SNED1: variants seen among roughly 807,000 people sequenced by gnomAD.
SNED1 encodes the protein sushi, nidogen and EGF like domains 1.
Under a neutral mutation model 166.7 loss-of-function variants are expected in SNED1, and 81 were observed. The observed-to-expected ratio is 0.49, with a 90% confidence interval of 0.41 to 0.58. SNED1 has a LOEUF of 0.58. Among genes scored for constraint, SNED1 ranks in the 20% least tolerant of loss-of-function variants. The pLI is 0.00. For synonymous variants in SNED1, 762 were observed against 822.0 expected (o/e 0.93, Z 1.25); for missense variants, 1,604 against 2,000.2 (o/e 0.80, Z 3.78).
rs1444484011 is a variant in SNED1, at chr2:241,040,095, A to G, written c.1066A>G (p.Lys356Glu). Residue 356 changes from lysine to glutamate, a missense_variant, in exon 7 of 32, where the codon AAA (lysine) becomes GAA (glutamate). Around this residue, in one of 2 missense-constraint regions of SNED1, gnomAD observed 1,237 missense variants for 1,620.8 expected, o/e 0.76. Coordinates refer to ENST00000310397, the MANE Select transcript of SNED1 (RefSeq NM_001080437.3). ...CETAQSPCDT[K>E]ECQHGGQCQV... ...TCTAGCCCAATCCCCCTGTGACACCAAAGAGTGTCAACATGGTGGCCAGTG... is the reference window on the plus strand; with the variant it reads ...TCTAGCCCAATCCCCCTGTGACACCGAAGAGTGTCAACATGGTGGCCAGTG... 6.3e-7 allele frequency: 1 copy of G among 1,591,084 alleles called. No individual in the cohort carries two copies. The highest frequency in any genetic ancestry group is 1.8e-5 in the Admixed American group (1 of 56,964).
intron 26 of SNED1, chr2:241,072,081 C>T (rs1475565330): frequency 8.5e-6 from 6 of 701,754 alleles, no homozygotes; most frequent in Admixed American, 2.0e-5. Flanking sequence ...AGGGGCAGCT[C>T]GTGAGGGCCT....
At chr2:241,033,969 A>G in intron 3 of SNED1, 94 bp downstream of exon 3, 1 of 1,442,608 alleles carries the variant, frequency 6.9e-7, no homozygotes, top group Admixed American at 2.2e-5. Flanking sequence ...GGCTCACCAT[A>G]GGCAGATCCC....
At chr2:241,084,367 T>A (rs1216977403) in intron 29 of SNED1, among the ~76,000 whole-genome samples, 1 of 152,124 alleles carries the variant, frequency 6.6e-6, no homozygotes, top group Non-Finnish European at 1.5e-5. Context: ...TTGGCCAGGC[T>A]GGTCTCAAAC....
Position 241,069,959 on chromosome 2 carries a change from C to T in SNED1, c.3347C>T (p.Thr1116Ile). 1 of 1,612,980 alleles carries T rather than the reference C, an allele frequency of 6.2e-7. No individual in the cohort carries two copies. The highest frequency in any genetic ancestry group is 8.5e-7 in the Non-Finnish European group (1 of 1,179,874). The change falls in exon 24 of 32, where the codon ACT becomes ATT. Residue 1116 changes from threonine (T) to isoleucine (I), a missense_variant. Thr to Ile is a moderately conservative substitution (Grantham distance 89). Transcript: ENST00000310397. The surrounding 1 kb of genome is among the most constrained non-coding windows in gnomAD (Gnocchi z 4.9). ...GCAAACCTGACCGCCGCCCGAGTCA[C>T]TGCCACCTCTGCCCACGTGGTCTGG... ...PPANLTAARV[T>I]ATSAHVVWDA...
In SNED1 at chr2:241,068,918, C is replaced by T; in HGVS notation, c.3202C>T (p.Leu1068=). The change falls in exon 23 of 32, where the codon CTG becomes TTG. Residue 1068 remains leucine, a synonymous_variant. Transcript: ENST00000310397. The surrounding 1 kb of genome is among the most constrained non-coding windows in gnomAD (Gnocchi z 5.3). ...GTCACCTCCTGCCCACAGGGCCCTG[C>T]TGCCTGGGAAGAGGTACACCATCCA... ...SVDRFTFRAL[L]PGKRYTIQLT... 1 of 1,550,658 alleles carries T rather than the reference C, an allele frequency of 6.4e-7. No individual in the cohort carries two copies. The highest frequency in any genetic ancestry group is 1.2e-5 in the South Asian group (1 of 84,040).
intron 29 of SNED1, among the ~76,000 whole-genome samples, chr2:241,082,992 G>A (rs1054541460): frequency 1.3e-5 from 2 of 151,970 alleles, no homozygotes; most frequent in Admixed American, 1.3e-4. Flanking sequence ...TAGATACTCA[G>A]CACACATCAG....
intron 16 of SNED1, among the ~76,000 whole-genome samples, chr2:241,055,695 A>T (rs1215454844): frequency 1.3e-5 from 2 of 152,384 alleles, no homozygotes; most frequent in East Asian, 3.9e-4. Flanking sequence ...GAAGCCACAG[A>T]TGCAGAGAGT....
intron 9 of SNED1, 73 bp from the exon 10 acceptor site, chr2:241,048,589 G>A (rs1404947798): frequency 6.6e-7 from 1 of 1,513,914 alleles, no homozygotes; most frequent in African/African-American, 1.4e-5. Context: ...GCCAGGAGCA[G>A]GGCAGGGTCT....
At chr2:241,071,756 C>A in intron 25 of SNED1, 36 bp downstream of exon 25, 1 of 1,500,346 alleles carries the variant, frequency 6.7e-7, no homozygotes. Context: ...TCGCCCGAGG[C>A]GGCGCTCGGA....
chr2:241,033,670 A>T, intron 2 of SNED1, 65 bp from the exon 3 acceptor site: 1 of 1,521,300 alleles, frequency 6.6e-7, no homozygotes, highest in South Asian at 1.3e-5. Context: ...AGGATGGTGG[A>T]CAGGGCAGGG....
chr2:241,076,760 G>A (rs1361574905), intron 27 of SNED1, among the ~76,000 whole-genome samples: 18 of 151,576 alleles, frequency 1.2e-4, no homozygotes. Flanking sequence ...GTCCAGGGCC[G>A]GGCGCGGGGG....
chr2:241,069,033 G>T lies in SNED1; in HGVS notation c.3307+10G>T, dbSNP rs751578055. ...ACGCACGTGTGGACCCGTGAGTAGA[G>T]CAGCGCGGCCCCCGGCACACGAAAG... is the stretch of plus-strand genomic sequence containing the variant. On this transcript the variant is annotated intron_variant, in intron 23 of 31. Transcript: ENST00000310397. This position sits in a 1 kb window ranked among gnomAD's most constrained non-coding sequence, Gnocchi z 4.9. 1 of 1,537,456 alleles carries T rather than the reference G, an allele frequency of 6.5e-7. No homozygotes were observed. Among genetic ancestry groups the T allele is most frequent in the Non-Finnish European group, 8.8e-7 (1 of 1,136,362 alleles).
upstream of SNED1, among the ~76,000 whole-genome samples, chr2:240,997,811 C>A (rs2059961348): frequency 1.3e-5 from 2 of 152,198 alleles, no homozygotes; most frequent in African/African-American, 2.4e-5. Flanking sequence ...GGAATCAGAC[C>A]CTGCCATGGG....
At chr2:241,090,055 AAATTAACCTT>A in intron 31 of SNED1, 1 of 1,534,040 alleles carries the variant, frequency 6.5e-7, no homozygotes. Context: ...CTGCAATAAG[AAATTAACCTT>A]AGCTTACTGT....
chr2:241,039,108 A>AC (rs1248374738), intron 6 of SNED1, among the ~76,000 whole-genome samples: 1 of 151,634 alleles, frequency 6.6e-6, no homozygotes, highest in Non-Finnish European at 1.5e-5. Flanking sequence ...TCCCGCCTCG[A>AC]CCCCCCACAG....
chr2:241,084,684 GT>G (rs1477892738), intron 29 of SNED1, among the ~76,000 whole-genome samples: 3 of 151,982 alleles, frequency 2.0e-5, no homozygotes, highest in African/African-American at 7.3e-5. Flanking sequence ...AAAGTATTTT[GT>G]ATTTATTGTA....
Position 241,068,832 on chromosome 2 carries a change from G to C in SNED1, c.3195-79G>C. The C allele has an allele frequency of 2.0e-6, 2 of 994,784 alleles. No individual in the cohort carries two copies. The highest frequency in any genetic ancestry group is 3.0e-6 in the Non-Finnish European group (2 of 670,242). 61.6% of individuals were successfully genotyped at this position (994,784 alleles called of 1,614,324 possible). ...CCTCCCCGCAGTCACCTCCTGCCTG[G>C]GGGAGCTGCGGTCTGGCAGCAGAGT... On this transcript the variant is annotated intron_variant, in intron 22 of 31. Coordinates refer to ENST00000310397, the MANE Select transcript of SNED1 (RefSeq NM_001080437.3). The surrounding 1 kb of genome is among the most constrained non-coding windows in gnomAD (Gnocchi z 5.3).
intron 8 of SNED1, among the ~76,000 whole-genome samples, chr2:241,046,010 A>G (rs1574974210): frequency 6.6e-6 from 1 of 152,252 alleles, no homozygotes; most frequent in Non-Finnish European, 1.5e-5. Flanking sequence ...TTGAACGGAT[A>G]CTTGGCCACA....
chr2:241,060,474 G>T (rs1460007059), intron 16 of SNED1, among the ~76,000 whole-genome samples: 2 of 152,146 alleles, frequency 1.3e-5, no homozygotes, highest in Non-Finnish European at 2.9e-5. Flanking sequence ...GAGCCACCAT[G>T]CCCGTCCCTA....
Sources: gnomAD v4.1 joint callset for allele counts (sites outside exome capture counted in the v4.1 genomes callset) on GRCh38, gnomAD v4.1.1 for gene constraint, gnomAD v4.1.1 regional missense constraint, Gnocchi (gnomAD v3.1) non-coding constraint, MANE v1.5 for transcripts, NCBI Gene and HGNC (gene_info 2026-07-23, HGNC 2026-07-21) for gene names.